GALR3: variants seen among roughly 807,000 people sequenced by gnomAD.
The protein encoded by GALR3 is galanin receptor type 3.
A neutral mutation model predicts 6.9 loss-of-function variants in GALR3; 5 were observed. That is an observed-to-expected ratio of 0.72 (90% CI 0.38 to 1.52). GALR3 has a LOEUF of 1.52. Among genes scored for constraint, GALR3 ranks in the 40% most tolerant of loss-of-function variants. The pLI, the probability that GALR3 is intolerant of heterozygous loss-of-function variation, is 0.03. For missense variants in GALR3, 570 were observed against 545.6 expected (o/e 1.04, Z -0.44); for synonymous variants, 308 against 263.6 (o/e 1.17, Z -1.63).
chr22:37,824,948 G>A lies in GALR3; in HGVS notation c.585G>A (p.Leu195=). The A allele has an allele frequency of 1.5e-6, 2 of 1,312,866 alleles. No homozygotes were observed. The highest frequency in any genetic ancestry group is 2.1e-5 in the South Asian group (1 of 48,090). 81.3% of individuals were successfully genotyped at this position (1,312,866 alleles called of 1,614,324 possible). The change falls in exon 2 of 2, where the codon CTG becomes CTA. Residue 195 remains leucine, a synonymous_variant. Coordinates refer to ENST00000249041, the MANE Select transcript of GALR3 (RefSeq NM_003614.2). The stretch of plus-strand genomic sequence containing the variant: ...CCACCTTCGCTGCCGGCTACCTGCT[G>A]CCCGTGGCTGTGGTGAGCCTGGCCT... ...DVATFAAGYL[L]PVAVVSLAYG...
In GALR3 at chr22:37,825,261, G is replaced by T. The variant is rs771463474; in HGVS notation, c.898G>T (p.Ala300Ser). 7.1e-6 allele frequency: 10 copies of T among 1,409,746 alleles called. No homozygotes were observed. The South Asian group carries it at 1.5e-4, about 21-fold the overall frequency. 87.3% of individuals were successfully genotyped at this position (1,409,746 alleles called of 1,614,324 possible). Residue 300 changes from alanine (A) to serine (S), a missense_variant, in exon 2 of 2, where the codon GCG (alanine) becomes TCG (serine). Coordinates refer to ENST00000249041, the MANE Select transcript of GALR3 (RefSeq NM_003614.2). ...VYALASRHFR[A>S]RFRRLWPCGR... ...CGCGCTCGCCTCGCGCCACTTCCGC[G>T]CGCGCTTCCGCCGCCTGTGGCCGTG...
chr22:37,823,907 C>T (rs1922517456), intron 1 of GALR3, 142 bp downstream of exon 1: 1 of 615,322 alleles, frequency 1.6e-6, no homozygotes, highest in Non-Finnish European at 2.9e-6. Context: ...CAAAAGCTCC[C>T]TGACCCCTCG....
In GALR3 at chr22:37,824,744, G is replaced by T; in HGVS notation, c.381G>T (p.Pro127=). 8.1e-7 allele frequency: 1 copy of T among 1,234,642 alleles called. No homozygotes were observed. Among genetic ancestry groups the T allele is most frequent in the Admixed American group, 4.3e-5 (1 of 23,010 alleles). The allele number at this position is 1,234,642 out of a possible 1,614,324, so 76.5% of individuals were successfully genotyped here. A position where few individuals can be genotyped will look rare whatever the true frequency, so the allele number is the denominator to read the frequency against. Residue 127 remains proline, a synonymous_variant, in exon 2 of 2, where the codon CCG becomes CCT. Transcript: ENST00000249041. The stretch of plus-strand genomic sequence containing the variant: ...GCAGGTACCTGGCCGTGCGGCACCC[G>T]CTGCGCTCGCGCGCCCTGCGCACGC... The part of the protein sequence containing the change: ...SVDRYLAVRH[P]LRSRALRTPR...
In GALR3 at chr22:37,825,143, C is replaced by G; in HGVS notation, c.780C>G (p.Tyr260Ter). ...PHHALILCFW[Y>*]GRFAFSPATY... ...ACGCGCTCATCCTGTGCTTCTGGTACGGCCGCTTCGCCTTCAGCCCGGCCA... is the reference window on the plus strand; with the variant it reads ...ACGCGCTCATCCTGTGCTTCTGGTAGGGCCGCTTCGCCTTCAGCCCGGCCA... The change falls in exon 2 of 2, where the codon TAC (tyrosine) becomes TAG (stop). Residue 260 changes from tyrosine to a stop codon, truncating the protein, a stop_gained. Coordinates refer to ENST00000249041, the MANE Select transcript of GALR3 (RefSeq NM_003614.2). LOFTEE classifies it low-confidence loss of function (END_TRUNC). 6.8e-7 allele frequency: 1 copy of G among 1,472,408 alleles called. No homozygotes were observed. The highest frequency in any genetic ancestry group is 9.0e-7 in the Non-Finnish European group (1 of 1,105,900). The allele number at this position is 1,472,408 out of a possible 1,614,324, so 91.2% of individuals were successfully genotyped here. A position where few individuals can be genotyped will look rare whatever the true frequency, so the allele number is the denominator to read the frequency against.
At position 37,825,288 on chromosome 22, in the gene GALR3, G is replaced by A. The variant is rs1455759264; in HGVS notation, c.925G>A (p.Gly309Ser). Reference protein sequence around the residue: ...RARFRRLWPCGRRRRHRARRA... With the variant: ...RARFRRLWPCSRRRRHRARRA... ...GCGCTTCCGCCGCCTGTGGCCGTGC[G>A]GCCGCCGACGCCGCCACCGTGCCCG... The change falls in exon 2 of 2, where the codon GGC (glycine) becomes AGC (serine). Residue 309 changes from glycine to serine, a missense_variant. Transcript: ENST00000249041. 1.3e-5 allele frequency: 16 copies of A among 1,278,590 alleles called. No individual in the cohort carries two copies. The highest frequency in any genetic ancestry group is 6.7e-5 in the East Asian group (2 of 29,950). The allele number at this position is 1,278,590 out of a possible 1,614,324, so 79.2% of individuals were successfully genotyped here.
Position 37,823,757 on chromosome 22 carries a change from C to G in GALR3, c.351C>G (p.Ser117=). 6.6e-7 allele frequency: 1 copy of G among 1,512,676 alleles called. No individual in the cohort carries two copies. Among genetic ancestry groups the G allele is most frequent in the African/African-American group, 1.4e-5 (1 of 72,056 alleles). The allele number at this position is 1,512,676 out of a possible 1,614,324, so 93.7% of individuals were successfully genotyped here. A position where few individuals can be genotyped will look rare whatever the true frequency, so the allele number is the denominator to read the frequency against. ...GCAGCTTTACGCTGGCTGCTGTCTC[C>G]GTGGACAGGTGCGCTGTGCCTGGGG... ...YASSFTLAAV[S]VDRYLAVRHP... Residue 117 remains serine, a synonymous_variant, in exon 1 of 2, where the codon TCC becomes TCG. Transcript: ENST00000249041.
In GALR3 at chr22:37,825,309, G is replaced by T. The variant is rs1687017152; in HGVS notation, c.946G>T (p.Ala316Ser). 2 of 1,250,194 alleles carry T rather than the reference G, an allele frequency of 1.6e-6. No individual in the cohort carries two copies. The highest frequency in any genetic ancestry group is 3.3e-5 in the South Asian group (1 of 29,990). 77.4% of individuals were successfully genotyped at this position (1,250,194 alleles called of 1,614,324 possible). Residue 316 changes from alanine to serine, a missense_variant, in exon 2 of 2, where the codon GCC (alanine) becomes TCC (serine). By Grantham distance (99) the Ala-to-Ser change is moderately conservative. Transcript: ENST00000249041. Reference sequence around the variant, plus strand: ...GTGCGGCCGCCGACGCCGCCACCGTGCCCGCCGCGCCTTGCGTCGCGTCCG... The same window carrying T: ...GTGCGGCCGCCGACGCCGCCACCGTTCCCGCCGCGCCTTGCGTCGCGTCCG... Reference protein sequence around the residue: ...WPCGRRRRHRARRALRRVRPA... With the variant: ...WPCGRRRRHRSRRALRRVRPA...
intron 1 of GALR3, 54 bp from the exon 2 acceptor site, chr22:37,824,669 C>CGGGCCCCTGCGGGA (rs1922541274): frequency 2.7e-6 from 3 of 1,105,454 alleles, no homozygotes; most frequent in African/African-American, 1.6e-5. Flanking sequence ...GGACGTGGCG[C>CGGGCCCCTGCGGGA]GGGCCCCTGC....
rs771463474 is a variant in GALR3 at position 37,825,261 on chromosome 22, G to A, written c.898G>A (p.Ala300Thr). The A allele has an allele frequency of 9.9e-6, 14 of 1,409,746 alleles. No individual in the cohort carries two copies. The highest frequency in any genetic ancestry group is 4.4e-5 in the Admixed American group (2 of 45,648). The allele number at this position is 1,409,746 out of a possible 1,614,324, so 87.3% of individuals were successfully genotyped here. The change falls in exon 2 of 2, where the codon GCG becomes ACG. Residue 300 changes from alanine to threonine, a missense_variant. Physicochemically the swap from Ala to Thr is moderately conservative, Grantham distance 58. Transcript: ENST00000249041. ...CGCGCTCGCCTCGCGCCACTTCCGC[G>A]CGCGCTTCCGCCGCCTGTGGCCGTG... ...VYALASRHFR[A>T]RFRRLWPCGR...
chr22:37,824,629 A>C (rs1922539689), intron 1 of GALR3, 94 bp from the exon 2 acceptor site: 1 of 705,422 alleles, frequency 1.4e-6, no homozygotes, highest in East Asian at 4.8e-5. Context: ...GGTTCACAGG[A>C]GGCGCACTGG....
chr22:37,825,135 T>C lies in GALR3; in HGVS notation c.772T>C (p.Phe258Leu). ...WGPHHALILCFWYGRFAFSPA... is the reference protein window; with the variant it reads ...WGPHHALILCLWYGRFAFSPA... ...TCCGCACCACGCGCTCATCCTGTGC[T>C]TCTGGTACGGCCGCTTCGCCTTCAG... Residue 258 changes from phenylalanine (F) to leucine (L), a missense_variant, in exon 2 of 2, where the codon TTC becomes CTC. Phe to Leu is a conservative substitution (Grantham distance 22). Transcript: ENST00000249041. 1 of 1,465,368 alleles carries C rather than the reference T, an allele frequency of 6.8e-7. No individual in the cohort carries two copies. Among genetic ancestry groups the C allele is most frequent in the Non-Finnish European group, 9.1e-7 (1 of 1,101,694 alleles). The allele number at this position is 1,465,368 out of a possible 1,614,324, so 90.8% of individuals were successfully genotyped here. A position where few individuals can be genotyped will look rare whatever the true frequency, so the allele number is the denominator to read the frequency against.
chr22:37,823,791 G>A, intron 1 of GALR3, 26 bp downstream of exon 1: 1 of 1,430,550 alleles, frequency 7.0e-7, no homozygotes, highest in Non-Finnish European at 9.7e-7. Flanking sequence ...GGCCTGGCTG[G>A]GCAGGGCTGT....
At chr22:37,823,993 C>T (rs1396314486) in intron 1 of GALR3, among the ~76,000 whole-genome samples, 1 of 152,196 alleles carries the variant, frequency 6.6e-6, no homozygotes, top group East Asian at 1.9e-4. Flanking sequence ...TGTGAACTTC[C>T]AGAGGACGCC....
In GALR3 at chr22:37,825,139, G is replaced by A. The variant is rs1922570026; in HGVS notation, c.776G>A (p.Trp259Ter). The stretch of plus-strand genomic sequence containing the variant: ...CACCACGCGCTCATCCTGTGCTTCT[G>A]GTACGGCCGCTTCGCCTTCAGCCCG... ...GPHHALILCF[W>*]YGRFAFSPAT... Residue 259 changes from tryptophan to a stop codon, truncating the protein, a stop_gained, in exon 2 of 2, where the codon TGG becomes TAG. Transcript: ENST00000249041. LOFTEE classifies it low-confidence loss of function (END_TRUNC). The A allele has an allele frequency of 2.0e-6, 3 of 1,470,476 alleles. No individual in the cohort carries two copies. The highest frequency in any genetic ancestry group is 2.7e-6 in the Non-Finnish European group (3 of 1,104,778). 91.1% of individuals were successfully genotyped at this position (1,470,476 alleles called of 1,614,324 possible).
At chr22:37,824,647 G>A in intron 1 of GALR3, 76 bp from the exon 2 acceptor site, 1 of 948,068 alleles carries the variant, frequency 1.1e-6, no homozygotes. Flanking sequence ...TGGGCCGCAG[G>A]GCCCGGGCGC....
In GALR3 at chr22:37,824,783, C is replaced by A; in HGVS notation, c.420C>A (p.Arg140=). ...SRALRTPRNA[R]AAVGLVWLLA... is the part of the protein sequence containing the mutation. ...CCCTGCGCACGCCGCGTAACGCCCG[C>A]GCCGCAGTGGGGCTGGTGTGGCTGC... The change falls in exon 2 of 2, where the codon CGC becomes CGA. Residue 140 remains arginine, a synonymous_variant. Coordinates refer to ENST00000249041, the MANE Select transcript of GALR3 (RefSeq NM_003614.2). 7.6e-7 allele frequency: 1 copy of A among 1,309,088 alleles called. No homozygotes were observed. The highest frequency in any genetic ancestry group is 2.1e-5 in the South Asian group (1 of 47,238). The allele number at this position is 1,309,088 out of a possible 1,614,324, so 81.1% of individuals were successfully genotyped here.
In GALR3 at chr22:37,823,385, C is replaced by A; in HGVS notation, c.-22C>A. On this transcript the variant is annotated 5_prime_UTR_variant, in exon 1 of 2. Transcript: ENST00000249041. ...GCCTGAGGATTCCAGCTTCTCTTCC[C>A]AGGTGCCCGTCTGATGGGGAGATGG... 1 of 1,509,342 alleles carries A rather than the reference C, an allele frequency of 6.6e-7. No individual in the cohort carries two copies. 93.5% of individuals were successfully genotyped at this position (1,509,342 alleles called of 1,614,324 possible).
In GALR3 at chr22:37,825,414, C is replaced by G; in HGVS notation, c.1051C>G (p.Pro351Ala). The change falls in exon 2 of 2, where the codon CCG (proline) becomes GCG (alanine). Residue 351 changes from proline to alanine, a missense_variant. Pro to Ala is a conservative substitution (Grantham distance 27). Coordinates refer to ENST00000249041, the MANE Select transcript of GALR3 (RefSeq NM_003614.2). ...GRLLAGGGQG[P>A]EPREGPVHGG... ...GCTGCTGGCTGGTGGCGGCCAGGGCCCGGAGCCCAGGGAGGGACCCGTCCA... is the reference window on the plus strand; with the variant it reads ...GCTGCTGGCTGGTGGCGGCCAGGGCGCGGAGCCCAGGGAGGGACCCGTCCA... 1 of 1,397,896 alleles carries G rather than the reference C, an allele frequency of 7.2e-7. No homozygotes were observed. The highest frequency in any genetic ancestry group is 1.5e-5 in the South Asian group (1 of 66,618). 86.6% of individuals were successfully genotyped at this position (1,397,896 alleles called of 1,614,324 possible).
Position 37,825,053 on chromosome 22 carries a change from G to C in GALR3, c.690G>C (p.Thr230=). The change falls in exon 2 of 2, where the codon ACG becomes ACC. Residue 230 remains threonine, a synonymous_variant. Transcript: ENST00000249041. The part of the protein sequence containing the change: ...AAAAEARRRA[T]GRAGRAMLAV... Reference sequence around the variant, plus strand: ...CGGCCGAGGCGCGGCGGAGGGCGACGGGCCGCGCGGGGCGCGCCATGCTGG... The same window carrying C: ...CGGCCGAGGCGCGGCGGAGGGCGACCGGCCGCGCGGGGCGCGCCATGCTGG... 8.8e-7 allele frequency: 1 copy of C among 1,134,142 alleles called. No homozygotes were observed. The highest frequency in any genetic ancestry group is 1.1e-6 in the Non-Finnish European group (1 of 925,218). 70.3% of individuals were successfully genotyped at this position (1,134,142 alleles called of 1,614,324 possible).
Sources: allele counts gnomAD v4.1 joint callset (sites outside exome capture counted in the v4.1 genomes callset), GRCh38; gene constraint gnomAD v4.1.1; transcripts MANE v1.5; gene names NCBI Gene and HGNC (gene_info 2026-07-23, HGNC 2026-07-21).